The following ZNF345 variants were observed in gnomAD, a reference collection of about 807,000 sequenced individuals.
The protein encoded by ZNF345 is zinc finger protein 345.
For synonymous variants in ZNF345, 166 were observed against 187.9 expected, an observed-to-expected ratio of 0.88 and a Z score of 0.95; for missense variants, 527 against 589.9, an observed-to-expected ratio of 0.89 and a Z score of 1.10.
At chr19:36,869,190 C>T (rs1396705323) in intron 2 of ZNF345, among the ~76,000 whole-genome samples, 1 of 152,166 alleles carries the variant, frequency 6.6e-6, no homozygotes, top group East Asian at 1.9e-4. Flanking sequence ...ACTCCCTCCC[C>T]CTCCCCCCTT....
intron 2 of ZNF345, among the ~76,000 whole-genome samples, chr19:36,868,773 G>A (rs777686024): frequency 2.0e-5 from 3 of 151,490 alleles, no homozygotes; most frequent in South Asian, 2.1e-4. Flanking sequence ...TTACAGGTGC[G>A]TGCCACCACG....
rs1470465735 is a variant in ZNF345, at chr19:36,859,899, C to CAG, written c.-47+7997_-47+7998dup. Among the ~76,000 whole-genome samples the CAG allele has an allele frequency of 1.3e-4, 20 of 151,774 alleles. No individual in the cohort carries two copies. In the East Asian group the frequency reaches 3.7e-3, roughly 28 times the overall value. On this transcript the variant is annotated intron_variant, in intron 2 of 2. Transcript: ENST00000420450. ...CTCTGCACACACACACACACACACACAGACACACCCTACACACATTTTATC... is the reference window on the plus strand; with the variant it reads ...CTCTGCACACACACACACACACACACAGAGACACACCCTACACACATTTTATC...
chr19:36,858,448 GT>G (rs2072470659), intron 2 of ZNF345: 1 of 152,108 alleles, frequency 6.6e-6, no homozygotes, highest in African/African-American at 2.4e-5. Flanking sequence ...TGCGGAGTGG[GT>G]TCAAACTTTG....
downstream of ZNF345, among the ~76,000 whole-genome samples, chr19:36,883,952 C>T (rs540144337): frequency 3.9e-5 from 6 of 152,186 alleles, no homozygotes; most frequent in Non-Finnish European, 7.3e-5. Context: ...CAAGGGCTAC[C>T]CATACTTCAG....
intron 3 of ZNF345, chr19:36,892,369 GTGGGC>G (rs1568367031): frequency 6.2e-7 from 1 of 1,613,530 alleles, no homozygotes; most frequent in Non-Finnish European, 8.5e-7. Flanking sequence ...AATAAGAAAT[GTGGGC>G]TGAATAAAAG....
intron 2 of ZNF345, among the ~76,000 whole-genome samples, chr19:36,853,303 C>A (rs1419219690): frequency 7.1e-6 from 1 of 141,566 alleles, no homozygotes; most frequent in Non-Finnish European, 1.5e-5. Flanking sequence ...GGCTGGAGTG[C>A]AATGGCATGA....
rs1213132270 is a variant in ZNF345 at position 36,877,593 on chromosome 19, G to A, written c.763G>A (p.Glu255Lys). Residue 255 changes from glutamate to lysine, a missense_variant, in exon 3 of 3, where the codon GAG (glutamate) becomes AAG (lysine). Transcript: ENST00000420450. ...LTRHQRIHTG[E>K]KPYICNECGK... ...TCGGCATCAGAGAATTCATACCGGTGAGAAACCATATATATGTAATGAATG... is the reference window on the plus strand; with the variant it reads ...TCGGCATCAGAGAATTCATACCGGTAAGAAACCATATATATGTAATGAATG... The A allele has an allele frequency of 6.2e-7, 1 of 1,614,104 alleles. No homozygotes were observed. Among genetic ancestry groups the A allele is most frequent in the Non-Finnish European group, 8.5e-7 (1 of 1,180,010 alleles).
chr19:36,876,843 A>T lies in ZNF345; in HGVS notation c.13A>T (p.Thr5Ser), dbSNP rs2146202773. 1 of 1,593,200 alleles carries T rather than the reference A, an allele frequency of 6.3e-7. No homozygotes were observed. Among genetic ancestry groups the T allele is most frequent in the East Asian group, 2.2e-5 (1 of 44,614 alleles). The change falls in exon 3 of 3, where the codon ACA becomes TCA. Residue 5 changes from threonine to serine, a missense_variant. By Grantham distance (58) the Thr-to-Ser change is moderately conservative. Transcript: ENST00000420450. ...TCTGAAAAAGGATATGGAAAACCTT[A>T]CAAAACACAGCATTGAGTGTTCAAG... MENL[T>S]KHSIECSSFR... is the part of the protein sequence containing the mutation.
chr19:36,876,649 T>C, intron 2 of ZNF345, 136 bp from the exon 3 acceptor site: 1 of 454,428 alleles, frequency 2.2e-6, no homozygotes, highest in Non-Finnish European at 3.7e-6. Flanking sequence ...AATTGCCCAG[T>C]CATATGTGAG....
At chr19:36,865,973 T>A (rs1164500796) in intron 2 of ZNF345, among the ~76,000 whole-genome samples, 1 of 152,220 alleles carries the variant, frequency 6.6e-6, no homozygotes, top group Non-Finnish European at 1.5e-5. Flanking sequence ...TTAACTGATT[T>A]TTCAGTGTTG....
intron 2 of ZNF345, among the ~76,000 whole-genome samples, chr19:36,874,541 G>A (rs987779021): frequency 1.3e-5 from 2 of 150,550 alleles, no homozygotes; most frequent in African/African-American, 2.5e-5. Flanking sequence ...ACTCATGCCT[G>A]TAATCCTAGC....
At chr19:36,873,392 A>G (rs947408984) in intron 2 of ZNF345, among the ~76,000 whole-genome samples, 2 of 152,160 alleles carry the variant, frequency 1.3e-5, no homozygotes, top group Non-Finnish European at 2.9e-5. Flanking sequence ...TTTAAGATAT[A>G]CAACATGAGG....
In ZNF345 at chr19:36,877,399, T is replaced by C. The variant is rs200410731; in HGVS notation, c.569T>C (p.Ile190Thr). The change falls in exon 3 of 3, where the codon ATT becomes ACT. Residue 190 changes from isoleucine to threonine, a missense_variant. Physicochemically the swap from Ile to Thr is moderately conservative, Grantham distance 89. Coordinates refer to ENST00000420450, the MANE Select transcript of ZNF345 (RefSeq NM_001242472.2). Reference sequence around the variant, plus strand: ...TCCTTTAGTTTTGAATCAGCCCTTATTCGGCATCACAGAATTCACACAGGT... The same window carrying C: ...TCCTTTAGTTTTGAATCAGCCCTTACTCGGCATCACAGAATTCACACAGGT... Reference protein sequence around the residue: ...GKSFSFESALIRHHRIHTGEK... With the variant: ...GKSFSFESALTRHHRIHTGEK... 152 of 1,613,868 alleles carry C rather than the reference T, an allele frequency of 9.4e-5. 1 individual carries two copies. Among genetic ancestry groups the C allele is most frequent in the Non-Finnish European group, 1.2e-4 (143 of 1,179,960 alleles).
chr19:36,877,822 A>C lies in ZNF345; in HGVS notation c.992A>C (p.Gln331Pro). 6.2e-7 allele frequency: 1 copy of C among 1,613,796 alleles called. No homozygotes were observed. The highest frequency in any genetic ancestry group is 8.5e-7 in the Non-Finnish European group (1 of 1,179,914). ...KAFRSGSKLI[Q>P]HQRMHTGEKP... ...TTTAGAAGTGGTTCAAAACTTATTC[A>C]GCATCAAAGAATGCATACTGGAGAG... is the stretch of plus-strand genomic sequence containing the variant. The change falls in exon 3 of 3, where the codon CAG becomes CCG. Residue 331 changes from glutamine to proline, a missense_variant. Gln to Pro is a moderately conservative substitution (Grantham distance 76). Transcript: ENST00000420450.
chr19:36,886,788 C>T (rs2073000967), intron 3 of ZNF345, among the ~76,000 whole-genome samples: 2 of 151,244 alleles, frequency 1.3e-5, no homozygotes, highest in Admixed American at 1.3e-4. Context: ...GAGATCGAGA[C>T]CATCCTGGCT....
chr19:36,862,770 A>C (rs762102550), intron 2 of ZNF345: 4 of 152,060 alleles, frequency 2.6e-5, no homozygotes, highest in Non-Finnish European at 5.9e-5. Context: ...TAATGGGCTC[A>C]ATTGTGTCCC....
At chr19:36,865,323 T>C (rs188100161) in intron 2 of ZNF345, among the ~76,000 whole-genome samples, 1 of 152,318 alleles carries the variant, frequency 6.6e-6, no homozygotes, top group African/African-American at 2.4e-5. Context: ...AAGGGTGAAT[T>C]TGGAACTTAG....
chr19:36,861,596 C>G (rs62115567), intron 2 of ZNF345, among the ~76,000 whole-genome samples: 22,604 of 152,186 alleles, frequency 0.15, 2,184 homozygotes, highest in Non-Finnish European at 0.22. Context: ...GAGTCTCGCT[C>G]TATCACCAGG....
chr19:36,878,352 G>A lies in ZNF345; in HGVS notation c.*55G>A. ...ATATGACTTAAGAAAATTCATAGTGGTGAAAATCTCTACAAATAGAACTAA... is the reference window on the plus strand; with the variant it reads ...ATATGACTTAAGAAAATTCATAGTGATGAAAATCTCTACAAATAGAACTAA... On this transcript the variant is annotated 3_prime_UTR_variant, in exon 3 of 3. Coordinates refer to ENST00000420450, the MANE Select transcript of ZNF345 (RefSeq NM_001242472.2). 6.7e-7 allele frequency: 1 copy of A among 1,485,278 alleles called. No homozygotes were observed. The highest frequency in any genetic ancestry group is 9.0e-7 in the Non-Finnish European group (1 of 1,109,820). The allele number at this position is 1,485,278 out of a possible 1,614,324, so 92.0% of individuals were successfully genotyped here.
Sources: allele counts gnomAD v4.1 joint callset (sites outside exome capture counted in the v4.1 genomes callset), GRCh38; gene constraint gnomAD v4.1.1; transcripts MANE v1.5; gene names NCBI Gene and HGNC (gene_info 2026-07-23, HGNC 2026-07-21).